SAMTOR: variants seen among roughly 807,000 people sequenced by gnomAD.
SAMTOR encodes the protein UPF0532 protein C7orf60.
chr7:112,832,812 A>G, the SAMTOR span: 1 of 589,356 alleles, frequency 1.7e-6, no homozygotes, highest in Non-Finnish European at 3.0e-6. Flanking sequence ...ATGAGCTTTC[A>G]TTTCTGTGAG....
chr7:112,869,078 T>C, the SAMTOR span, among the ~76,000 whole-genome samples: 1 of 152,280 alleles, frequency 6.6e-6, no homozygotes, highest in African/African-American at 2.4e-5. Context: ...TGCCAAAGCC[T>C]TCCTTGGGTC....
At chr7:112,905,837 C>T in the SAMTOR span, among the ~76,000 whole-genome samples, 2 of 151,936 alleles carry the variant, frequency 1.3e-5, no homozygotes, top group African/African-American at 2.4e-5. Context: ...TGAAAATACA[C>T]CACATACATT....
the SAMTOR span, among the ~76,000 whole-genome samples, chr7:112,858,234 T>C: frequency 6.6e-6 from 1 of 152,014 alleles, no homozygotes; most frequent in Non-Finnish European, 1.5e-5. Flanking sequence ...CTATGAAACA[T>C]TCATAGTCTT....
At chr7:112,905,438 T>C in the SAMTOR span, among the ~76,000 whole-genome samples, 63 of 152,224 alleles carry the variant, frequency 4.1e-4, no homozygotes, top group Middle Eastern at 3.4e-3. Context: ...ACAAAAACAT[T>C]TTTCCAAATT....
At chr7:112,832,864 C>T in the SAMTOR span, among the ~76,000 whole-genome samples, 1 of 152,082 alleles carries the variant, frequency 6.6e-6, no homozygotes, top group African/African-American at 2.4e-5. Context: ...TTAAGATGAA[C>T]AAGTCTTAAA....
the SAMTOR span, among the ~76,000 whole-genome samples, chr7:112,871,178 T>A: frequency 2.0e-5 from 3 of 152,138 alleles, no homozygotes; most frequent in Admixed American, 2.0e-4. Context: ...CTAACAGACA[T>A]CCACAGACAA....
At chr7:112,847,214 G>A in the SAMTOR span, among the ~76,000 whole-genome samples, 22 of 152,180 alleles carry the variant, frequency 1.4e-4, no homozygotes, top group Non-Finnish European at 2.6e-4. Context: ...TTTGTGGTTA[G>A]ATATCTGGAT....
the SAMTOR span, among the ~76,000 whole-genome samples, chr7:112,884,272 C>A: frequency 6.6e-6 from 1 of 152,238 alleles, no homozygotes; most frequent in South Asian, 2.1e-4. Context: ...ACCCCAGCCC[C>A]TCCCAAATGT....
the SAMTOR span, among the ~76,000 whole-genome samples, chr7:112,884,296 T>G: frequency 1.3e-5 from 2 of 152,082 alleles, no homozygotes; most frequent in African/African-American, 4.8e-5. Flanking sequence ...GTCCTCACAT[T>G]TCAAGACACC....
At chr7:112,862,497 C>T in the SAMTOR span, among the ~76,000 whole-genome samples, 1 of 152,286 alleles carries the variant, frequency 6.6e-6, no homozygotes, top group Non-Finnish European at 1.5e-5. Context: ...TACAAGGCTA[C>T]TGGTGCCAGG....
the SAMTOR span, among the ~76,000 whole-genome samples, chr7:112,899,925 T>C: frequency 6.6e-6 from 1 of 151,910 alleles, no homozygotes; most frequent in East Asian, 1.9e-4. Flanking sequence ...CCAGAAATGC[T>C]AAAGAGAATT....
At chr7:112,906,542 A>G in the SAMTOR span, among the ~76,000 whole-genome samples, 1 of 151,518 alleles carries the variant, frequency 6.6e-6, no homozygotes, top group African/African-American at 2.4e-5. Context: ...ACTTTTGACT[A>G]AAGTAGACTA....
chr7:112,913,284 T>G, the SAMTOR span, among the ~76,000 whole-genome samples: 1 of 152,170 alleles, frequency 6.6e-6, no homozygotes, highest in African/African-American at 2.4e-5. Context: ...ATACCTTATA[T>G]TTTCAATTCC....
chr7:112,831,033 AT>A, the SAMTOR span, among the ~76,000 whole-genome samples: 1 of 152,092 alleles, frequency 6.6e-6, no homozygotes, highest in Non-Finnish European at 1.5e-5. Flanking sequence ...CTATTCTTTT[AT>A]TTAAAAAAGT....
chr7:112,894,306 A>G, the SAMTOR span, among the ~76,000 whole-genome samples: 1 of 152,286 alleles, frequency 6.6e-6, no homozygotes, highest in East Asian at 1.9e-4. Context: ...ATGGTTGATA[A>G]TAAGTTCACT....
the SAMTOR span, among the ~76,000 whole-genome samples, chr7:112,824,446 C>T: frequency 3.3e-5 from 5 of 151,968 alleles, no homozygotes; most frequent in Non-Finnish European, 5.9e-5. Flanking sequence ...CCGCAACCTC[C>T]GCCTCCTGGG....
At chr7:112,891,800 C>T in the SAMTOR span, among the ~76,000 whole-genome samples, 1 of 152,202 alleles carries the variant, frequency 6.6e-6, no homozygotes, top group South Asian at 2.1e-4. Flanking sequence ...TTTGAGCCTC[C>T]AGCAAGTTGT....
At chr7:112,895,473 G>A in the SAMTOR span, 1 of 812,210 alleles carries the variant, frequency 1.2e-6, no homozygotes, top group Non-Finnish European at 1.8e-6. Context: ...ACTACTGGAG[G>A]AGCAAGTAAA....
At chr7:112,901,097 A>C in the SAMTOR span, among the ~76,000 whole-genome samples, 2 of 152,238 alleles carry the variant, frequency 1.3e-5, no homozygotes, top group Non-Finnish European at 2.9e-5. Context: ...GAGAATGAAA[A>C]GAAAAGCCAC....
Sources: gnomAD v4.1 joint callset for allele counts (sites outside exome capture counted in the v4.1 genomes callset) on GRCh38, gnomAD v4.1.1 for gene constraint, MANE v1.5 for transcripts, NCBI Gene and HGNC (gene_info 2026-07-23, HGNC 2026-07-21) for gene names.